ZNF180: variants seen among roughly 807,000 people sequenced by gnomAD.
ZNF180 encodes zinc finger protein 180 (HHZ168).
In ZNF180, 11 loss-of-function variants were observed where a neutral mutation model predicts 11.8. The observed-to-expected ratio is 0.93, with a 90% CI of 0.59 to 1.55. ZNF180 has a LOEUF of 1.55. Among genes scored for constraint, ZNF180 ranks in the 40% most tolerant of loss-of-function variants. ZNF180 has a pLI of 0.00. For missense variants in ZNF180, 773 were observed against 781.7 expected (o/e 0.99, Z 0.13); for synonymous variants, 287 against 257.7 (o/e 1.11, Z -1.09).
At position 44,476,391 on chromosome 19, in the gene ZNF180, T is replaced by C. The variant is rs760042953; in HGVS notation, c.*11A>G. On this transcript the variant is annotated 3_prime_UTR_variant, in exon 5 of 5. Transcript: ENST00000592529. The stretch of plus-strand genomic sequence containing the variant: ...GAAATAAAAAGGAAGAAATCCCAGC[T>C]GATTTACAAACTAGTTACATTCATA... 1.9e-6 allele frequency: 3 copies of C among 1,539,266 alleles called. No homozygotes were observed. The highest frequency in any genetic ancestry group is 2.6e-5 in the South Asian group (2 of 78,262).
intron 1 of ZNF180, 72 bp from the exon 2 acceptor site, chr19:44,497,449 C>G (rs1970620847): frequency 7.0e-7 from 1 of 1,431,148 alleles, no homozygotes; most frequent in East Asian, 2.7e-5. Context: ...CCCCCATTAG[C>G]CCCTGCTCCC....
rs759344730 is a variant in ZNF180 at position 44,476,654 on chromosome 19, T to A, written c.1746A>T (p.Gln582His). 1.2e-6 allele frequency: 2 copies of A among 1,614,132 alleles called. No individual in the cohort carries two copies. Residue 582 changes from glutamine to histidine, a missense_variant, in exon 5 of 5, where the codon CAA becomes CAT. Transcript: ENST00000592529. ...AACTCTGTCTGAAGGACTTCCCACA[T>A]TGACTGCATTCATAGGGCTTTTCTC... The part of the protein sequence containing the change: ...HTGEKPYECS[Q>H]CGKSFRQSSC...
chr19:44,484,462 A>C, intron 2 of ZNF180, 27 bp from the exon 3 acceptor site: 1 of 1,570,582 alleles, frequency 6.4e-7, no homozygotes, highest in Non-Finnish European at 8.8e-7. Context: ...GATGAGAAAA[A>C]GGAAAATAAT....
intron 4 of ZNF180, among the ~76,000 whole-genome samples, 178 bp from the exon 5 acceptor site, chr19:44,478,324 C>T (rs1969988316): frequency 1.3e-5 from 2 of 152,102 alleles, no homozygotes; most frequent in Admixed American, 1.3e-4. Flanking sequence ...CTACCACAGC[C>T]CAATATTACA....
intron 2 of ZNF180, among the ~76,000 whole-genome samples, chr19:44,485,724 G>T (rs1005733566): frequency 1.3e-5 from 2 of 152,108 alleles, no homozygotes; most frequent in African/African-American, 2.4e-5. Flanking sequence ...AATCCTTAAA[G>T]ATTCACAAGA....
chr19:44,488,551 C>G (rs1970312084), intron 2 of ZNF180, among the ~76,000 whole-genome samples: 1 of 152,156 alleles, frequency 6.6e-6, no homozygotes. Context: ...CAGACGGAGT[C>G]TCGTTCACTC....
intron 2 of ZNF180, among the ~76,000 whole-genome samples, chr19:44,494,573 G>A (rs1027370367): frequency 3.3e-5 from 5 of 152,200 alleles, no homozygotes; most frequent in African/African-American, 9.7e-5. Context: ...TCAGGAGGTT[G>A]AGGTGGGAGG....
At chr19:44,490,354 T>C (rs1167202193) in intron 2 of ZNF180, among the ~76,000 whole-genome samples, 2 of 152,132 alleles carry the variant, frequency 1.3e-5, no homozygotes, top group African/African-American at 2.4e-5. Flanking sequence ...CATTACAAAA[T>C]AGCCCAAAAT....
chr19:44,479,507 G>T, intron 3 of ZNF180, 98 bp from the exon 4 acceptor site: 2 of 1,513,692 alleles, frequency 1.3e-6, no homozygotes, highest in Admixed American at 2.1e-5. Flanking sequence ...GAAAATTGGT[G>T]ACCTGGGAGT....
At chr19:44,496,154 G>A (rs138158835) in intron 2 of ZNF180, among the ~76,000 whole-genome samples, 161 of 151,882 alleles carry the variant, frequency 1.1e-3, no homozygotes, top group African/African-American at 3.1e-3. Context: ...AAGTATCTGG[G>A]ACTATAGGTG....
At chr19:44,478,572 C>A (rs1969994908) in intron 4 of ZNF180, among the ~76,000 whole-genome samples, 1 of 152,162 alleles carries the variant, frequency 6.6e-6, no homozygotes, top group South Asian at 2.1e-4. Flanking sequence ...ATAAAACTTG[C>A]TAAATACTCT....
At chr19:44,498,469 T>C (rs1970647578) in intron 1 of ZNF180, among the ~76,000 whole-genome samples, 1 of 152,144 alleles carries the variant, frequency 6.6e-6, no homozygotes, top group Non-Finnish European at 1.5e-5. Context: ...CACAGCCCCC[T>C]GCTTGAGCCA....
At chr19:44,499,757 G>A (rs1233957571) in intron 1 of ZNF180, among the ~76,000 whole-genome samples, 4 of 152,096 alleles carry the variant, frequency 2.6e-5, no homozygotes, top group South Asian at 2.1e-4. Flanking sequence ...CAACCACAGC[G>A]CCCCCAGACC....
chr19:44,484,355 AC>A lies in ZNF180; in HGVS notation c.126+5del. 1 of 1,609,634 alleles carries A rather than the reference AC, an allele frequency of 6.2e-7. No homozygotes were observed. The highest frequency in any genetic ancestry group is 8.5e-7 in the Non-Finnish European group (1 of 1,175,946). On this transcript the variant is annotated splice_donor_5th_base_variant and intron_variant, in intron 3 of 4. Transcript: ENST00000592529. ...AGTGTAAAGACAGAGGCCTTGCCCA[AC>A]CTACCTGAGATGGGATGGTCAGAGA... is the stretch of plus-strand genomic sequence containing the variant.
chr19:44,489,041 C>G (rs1035052683), intron 2 of ZNF180, among the ~76,000 whole-genome samples: 2 of 150,842 alleles, frequency 1.3e-5, no homozygotes, highest in Non-Finnish European at 3.0e-5. Flanking sequence ...GCAGCCACCC[C>G]GTCCGGGAGG....
chr19:44,477,427 G>T lies in ZNF180; in HGVS notation c.973C>A (p.Pro325Thr). ...TTCCCACACTGATTACATTCAAAAG[G>T]TTTCTCTTCAGAATTATTTCTCATG... Reference protein sequence around the residue: ...QNMRNNSEEKPFECNQCGKSF... With the variant: ...QNMRNNSEEKTFECNQCGKSF... Residue 325 changes from proline to threonine, a missense_variant, in exon 5 of 5, where the codon CCT becomes ACT. Transcript: ENST00000592529. 6.2e-7 allele frequency: 1 copy of T among 1,614,148 alleles called. No individual in the cohort carries two copies. The highest frequency in any genetic ancestry group is 8.5e-7 in the Non-Finnish European group (1 of 1,180,022).
intron 3 of ZNF180, 101 bp from the exon 4 acceptor site, chr19:44,479,510 C>CG: frequency 1.4e-6 from 2 of 1,471,916 alleles, no homozygotes; most frequent in South Asian, 2.4e-5. Context: ...AATTGGTGAC[C>CG]TGGGAGTTGT....
At chr19:44,497,097 T>A (rs1445913523) in intron 2 of ZNF180, among the ~76,000 whole-genome samples, 187 bp downstream of exon 2, 1 of 152,208 alleles carries the variant, frequency 6.6e-6, no homozygotes, top group Non-Finnish European at 1.5e-5. Context: ...GAAAGAGTTA[T>A]CTGGGCTAAA....
chr19:44,485,594 G>T (rs1389482326), intron 2 of ZNF180, among the ~76,000 whole-genome samples: 1 of 152,164 alleles, frequency 6.6e-6, no homozygotes, highest in Non-Finnish European at 1.5e-5. Flanking sequence ...AATGACTCCA[G>T]CTCTGGCAGC....
Sources: gnomAD v4.1 joint callset for allele counts (sites outside exome capture counted in the v4.1 genomes callset) on GRCh38, gnomAD v4.1.1 for gene constraint, MANE v1.5 for transcripts, NCBI Gene and HGNC (gene_info 2026-07-23, HGNC 2026-07-21) for gene names.